OTUD7B: variants seen among roughly 807,000 people sequenced by gnomAD.
OTUD7B encodes the protein OTU domain-containing protein 7B.
OTUD7B carries 34 observed loss-of-function variants against 82.2 expected under a neutral mutation model. The observed-to-expected ratio is 0.41, with a 90% CI of 0.31 to 0.55. The LOEUF is 0.55. OTUD7B is among the 20% of genes least tolerant of loss of function. The probability of loss-of-function intolerance (pLI) is 0.20; values close to 1 mark genes in which losing one functional copy is unlikely to be tolerated. For synonymous variants in OTUD7B, 398 were observed against 402.7 expected, an observed-to-expected ratio of 0.99 and a Z score of 0.14; for missense variants, 944 against 1,062.1, an observed-to-expected ratio of 0.89 and a Z score of 1.55.
the OTUD7B span, among the ~76,000 whole-genome samples, chr1:150,060,433 G>A: frequency 2.6e-5 from 4 of 152,176 alleles, no homozygotes; most frequent in African/African-American, 4.8e-5. Context: ...GGAGAAGACA[G>A]CCATCTATGA....
chr1:150,039,127 G>C, the OTUD7B span, among the ~76,000 whole-genome samples: 6 of 151,902 alleles, frequency 3.9e-5, no homozygotes, highest in African/African-American at 1.5e-4. Context: ...ATATCTAATA[G>C]AGCAAGTTCT....
chr1:150,010,266 G>C (rs1559872119), intron 1 of OTUD7B, among the ~76,000 whole-genome samples, 182 bp downstream of exon 1: 1 of 152,132 alleles, frequency 6.6e-6, no homozygotes, highest in Admixed American at 6.5e-5. Context: ...AGGAAAGATC[G>C]GGACGAAGCA....
intron 1 of OTUD7B, among the ~76,000 whole-genome samples, chr1:149,980,243 A>C (rs1222648161): frequency 2.7e-5 from 4 of 150,656 alleles, no homozygotes; most frequent in African/African-American, 9.8e-5. Flanking sequence ...CTTTAGCAAA[A>C]ATTTGAAGCA....
chr1:150,008,370 C>T (rs940739781), intron 1 of OTUD7B, among the ~76,000 whole-genome samples: 11 of 152,114 alleles, frequency 7.2e-5, no homozygotes, highest in African/African-American at 2.4e-4. Flanking sequence ...ATTAGATTTT[C>T]GTCTCCAAAT....
chr1:149,959,892 A>T (rs868949307), intron 6 of OTUD7B, 96 bp from the exon 7 acceptor site: 1 of 760,178 alleles, frequency 1.3e-6, no homozygotes, highest in Middle Eastern at 2.3e-4. Flanking sequence ...TTACTCCCTA[A>T]TCCCTTAGCA....
chr1:150,023,314 G>C, the OTUD7B span, among the ~76,000 whole-genome samples: 1 of 152,132 alleles, frequency 6.6e-6, no homozygotes, highest in Non-Finnish European at 1.5e-5. Context: ...ATCGAAATCA[G>C]TGCATCAAAG....
intron 1 of OTUD7B, among the ~76,000 whole-genome samples, chr1:150,007,628 T>G (rs587704173): frequency 6.6e-6 from 1 of 152,324 alleles, no homozygotes; most frequent in Admixed American, 6.5e-5. Context: ...CACTGGAGCA[T>G]GGAGACTGCT....
intron 1 of OTUD7B, among the ~76,000 whole-genome samples, chr1:149,982,756 C>T (rs1331313310): frequency 6.6e-6 from 1 of 151,618 alleles, no homozygotes; most frequent in Non-Finnish European, 1.5e-5. Context: ...CCTGCCATGT[C>T]CTGAAACCAT....
intron 1 of OTUD7B, among the ~76,000 whole-genome samples, chr1:150,003,126 T>C (rs1338577903): frequency 1.3e-5 from 2 of 151,708 alleles, no homozygotes; most frequent in African/African-American, 4.8e-5. Flanking sequence ...GGCGGGCGCC[T>C]GTAGTCCCAG....
intron 7 of OTUD7B, among the ~76,000 whole-genome samples, chr1:149,955,641 G>A (rs1160937497): frequency 6.6e-6 from 1 of 151,932 alleles, no homozygotes; most frequent in African/African-American, 2.4e-5. Context: ...TGACAGTGGG[G>A]TGTTAAAGTC....
In OTUD7B at chr1:149,949,992, A is replaced by G. The variant is rs1170064460; in HGVS notation, c.973+102T>C. 10 of 1,490,154 alleles carry G rather than the reference A, an allele frequency of 6.7e-6. No homozygotes were observed. The East Asian group carries it at 1.1e-4, about 17-fold the overall frequency. 92.3% of individuals were successfully genotyped at this position (1,490,154 alleles called of 1,614,324 possible). A position where few individuals can be genotyped will look rare whatever the true frequency, so the allele number is the denominator to read the frequency against. ...TAATTGATAACTTGCTTTTTCCCCA[A>G]GGGTCTATATATCCCCTTTCCTGCC... is the stretch of plus-strand genomic sequence containing the variant. On this transcript the variant is annotated intron_variant, in intron 8 of 11. Coordinates refer to ENST00000581312, the MANE Select transcript of OTUD7B (RefSeq NM_020205.4).
chr1:150,014,119 C>A (rs1653200972), upstream of OTUD7B, among the ~76,000 whole-genome samples: 2 of 115,796 alleles, frequency 1.7e-5, no homozygotes, highest in South Asian at 2.7e-4. Context: ...AGGGGCTCAG[C>A]CAGGCATGGT....
intron 2 of OTUD7B, among the ~76,000 whole-genome samples, chr1:149,976,782 C>T (rs148282038): frequency 0.012 from 1,766 of 152,008 alleles, 15 homozygotes; most frequent in Non-Finnish European, 0.016. Flanking sequence ...ATCATGAAAA[C>T]CCTAAAGTCA....
chr1:150,056,117 C>T, the OTUD7B span, among the ~76,000 whole-genome samples: 1 of 152,210 alleles, frequency 6.6e-6, no homozygotes, highest in African/African-American at 2.4e-5. Context: ...TAAGGAGTTA[C>T]AGGAATATGA....
the OTUD7B span, among the ~76,000 whole-genome samples, chr1:150,035,393 G>A: frequency 6.6e-6 from 1 of 152,180 alleles, no homozygotes; most frequent in Non-Finnish European, 1.5e-5. Context: ...CTAAGCCTCA[G>A]AGACAGAGAG....
chr1:149,958,769 A>C (rs1226412130), intron 7 of OTUD7B, among the ~76,000 whole-genome samples: 1 of 151,122 alleles, frequency 6.6e-6, no homozygotes. Flanking sequence ...TTAGAGACAG[A>C]GGTCTCTCTT....
At chr1:150,059,374 C>CTT in the OTUD7B span, among the ~76,000 whole-genome samples, 163 of 117,838 alleles carry the variant, frequency 1.4e-3, 1 homozygote, top group Middle Eastern at 4.8e-3. Flanking sequence ...CATATTCTTT[C>CTT]TTTTTTTTTT....
chr1:150,013,947 T>TATACACAA (rs782181773), upstream of OTUD7B, among the ~76,000 whole-genome samples: 4 of 104,396 alleles, frequency 3.8e-5, no homozygotes, highest in African/African-American at 1.4e-4. Flanking sequence ...AATATATATA[T>TATACACAA]ACACACACAC....
At chr1:150,042,497 A>G in the OTUD7B span, among the ~76,000 whole-genome samples, 1 of 151,744 alleles carries the variant, frequency 6.6e-6, no homozygotes, top group African/African-American at 2.4e-5. Flanking sequence ...TTACCTTACA[A>G]GCAGATAGTT....
Sources: allele counts gnomAD v4.1 joint callset (sites outside exome capture counted in the v4.1 genomes callset), GRCh38; gene constraint gnomAD v4.1.1; transcripts MANE v1.5; gene names NCBI Gene and HGNC (gene_info 2026-07-23, HGNC 2026-07-21).